Variants in CDADC1 observed in about 807,000 individuals in gnomAD.
CDADC1 encodes the protein cytidine and dCMP deaminase domain containing 1.
Under a neutral mutation model 54.9 loss-of-function variants are expected in CDADC1, and 39 were observed. The ratio of observed to expected loss-of-function variants is 0.71; its 90% CI spans 0.55 to 0.93. The LOEUF (loss-of-function observed/expected upper bound fraction) is 0.93. Ranked by LOEUF, CDADC1 falls within the 40% of genes least tolerant of loss-of-function variation. CDADC1 has a pLI of 0.00. For missense variants in CDADC1, 518 were observed against 618.8 expected, an observed-to-expected ratio of 0.84 and a Z score of 1.73; for synonymous variants, 186 against 204.0, an observed-to-expected ratio of 0.91 and a Z score of 0.75.
intron 5 of CDADC1, among the ~76,000 whole-genome samples, chr13:49,269,480 G>T (rs1952909966): frequency 6.6e-6 from 1 of 152,136 alleles, no homozygotes; most frequent in African/African-American, 2.4e-5. Flanking sequence ...TCTTCTTAAA[G>T]ATTTTGATTC....
At chr13:49,282,784 A>C (rs935143471) in intron 8 of CDADC1, among the ~76,000 whole-genome samples, 5 of 152,202 alleles carry the variant, frequency 3.3e-5, no homozygotes, top group African/African-American at 1.2e-4. Context: ...TTAGATTCTC[A>C]TGTGAGTGTG....
chr13:49,279,646 G>A (rs1953258568), intron 7 of CDADC1, among the ~76,000 whole-genome samples: 1 of 152,184 alleles, frequency 6.6e-6, no homozygotes, highest in Non-Finnish European at 1.5e-5. Flanking sequence ...AGGTAGTATT[G>A]TTTGAACAGA....
At chr13:49,283,476 AAG>A (rs1302022568) in intron 8 of CDADC1, among the ~76,000 whole-genome samples, 1 of 152,116 alleles carries the variant, frequency 6.6e-6, no homozygotes, top group Non-Finnish European at 1.5e-5. Context: ...ATTCCTCCTG[AAG>A]AGTGTGAATA....
chr13:49,276,202 C>T (rs1373157556), intron 6 of CDADC1, among the ~76,000 whole-genome samples: 1 of 152,148 alleles, frequency 6.6e-6, no homozygotes, highest in Non-Finnish European at 1.5e-5. Flanking sequence ...GTGTATTTTA[C>T]ACCTGCAGCA....
In CDADC1 at chr13:49,248,118, C is replaced by G. The variant is rs1319044557; in HGVS notation, c.81C>G (p.Thr27=). Residue 27 remains threonine, a splice_region_variant and synonymous_variant, in exon 1 of 10, where the codon ACC becomes ACG. Coordinates refer to ENST00000251108, the MANE Select transcript of CDADC1 (RefSeq NM_030911.4). The part of the protein sequence containing the change: ...RSVSTQTGSM[T]GQIPRLSKVN... ...TCAGCACCCAGACTGGCAGCATGAC[C>G]GGTGAGTGTCCGGGACCCTGCTCCC... 1.9e-6 allele frequency: 3 copies of G among 1,551,026 alleles called. No homozygotes were observed. In the African/African-American group the frequency reaches 4.1e-5, roughly 21 times the overall value.
In CDADC1 at chr13:49,274,621, A is replaced by G. The variant is rs558970539; in HGVS notation, c.1050+281A>G. ...GGGAGGCCGAGCTTGCTGTGAGCAG[A>G]GATCGTGCCACTGCACTCCAGCCTG... On this transcript the variant is annotated intron_variant, in intron 6 of 9. Coordinates refer to ENST00000251108, the MANE Select transcript of CDADC1 (RefSeq NM_030911.4). Among the ~76,000 whole-genome samples, 9 of 152,202 alleles carry G rather than the reference A, an allele frequency of 5.9e-5. No homozygotes were observed. In the East Asian group the frequency reaches 1.7e-3, roughly 29 times the overall value.
intron 4 of CDADC1, among the ~76,000 whole-genome samples, chr13:49,266,362 TTGTC>T (rs1329754701): frequency 2.6e-5 from 4 of 152,230 alleles, no homozygotes; most frequent in African/African-American, 7.2e-5. Flanking sequence ...CTTTTACAAA[TTGTC>T]TGTTCGTATC....
chr13:49,249,738 A>G (rs1952382701), intron 2 of CDADC1, among the ~76,000 whole-genome samples: 1 of 152,182 alleles, frequency 6.6e-6, no homozygotes. Flanking sequence ...ATCTCAAAAA[A>G]AAAATCAGAA....
At position 49,293,189 on chromosome 13, in the gene CDADC1, T is replaced by C. The variant is rs1357302714; in HGVS notation, c.*1432T>C. On this transcript the variant is annotated 3_prime_UTR_variant, in exon 10 of 10. Coordinates refer to ENST00000251108, the MANE Select transcript of CDADC1 (RefSeq NM_030911.4). Reference sequence around the variant, plus strand: ...AATTGCTTTATTGTATTAACTCTCATGCTTCAGCTCTTGGATTTGTTGTTT... The same window carrying C: ...AATTGCTTTATTGTATTAACTCTCACGCTTCAGCTCTTGGATTTGTTGTTT... 1 of 152,484 alleles carries C rather than the reference T, an allele frequency of 6.6e-6. No homozygotes were observed. Among genetic ancestry groups the C allele is most frequent in the Non-Finnish European group, 1.5e-5 (1 of 68,222 alleles). The allele number at this position is 152,484 out of a possible 1,614,324, so 9.4% of individuals were successfully genotyped here.
intron 8 of CDADC1, among the ~76,000 whole-genome samples, chr13:49,282,673 A>G (rs1167661260): frequency 1.3e-5 from 2 of 152,170 alleles, no homozygotes; most frequent in African/African-American, 4.8e-5. Context: ...GGTTTCCCCA[A>G]CCCCTGGGTA....
intron 5 of CDADC1, among the ~76,000 whole-genome samples, chr13:49,272,727 A>G (rs1953003596): frequency 6.8e-6 from 1 of 147,330 alleles, no homozygotes; most frequent in Non-Finnish European, 1.5e-5. Context: ...GTACGATCTC[A>G]ACTCACTGCA....
At chr13:49,282,927 G>C (rs1235174342) in intron 8 of CDADC1, among the ~76,000 whole-genome samples, 1 of 152,318 alleles carries the variant, frequency 6.6e-6, no homozygotes, top group South Asian at 2.1e-4. Context: ...CCTGGTCCCT[G>C]GTGCCACAAA....
At chr13:49,283,077 G>T (rs1953397379) in intron 8 of CDADC1, among the ~76,000 whole-genome samples, 1 of 152,138 alleles carries the variant, frequency 6.6e-6, no homozygotes. Flanking sequence ...GAAGAAAAAT[G>T]ATATAAAAGA....
intron 5 of CDADC1, 92 bp downstream of exon 5, chr13:49,268,151 C>G: frequency 9.8e-7 from 1 of 1,018,570 alleles, no homozygotes; most frequent in Non-Finnish European, 1.4e-6. Context: ...TTCATTTACT[C>G]ATAGTTACTT....
chr13:49,274,760 C>A (rs372786247), intron 6 of CDADC1, among the ~76,000 whole-genome samples: 2 of 152,114 alleles, frequency 1.3e-5, no homozygotes, highest in Non-Finnish European at 2.9e-5. Context: ...TCTAGATAGA[C>A]GCATTCATTC....
At chr13:49,291,591 G>GAC in intron 9 of CDADC1, 93 bp from the exon 10 acceptor site, 1 of 1,096,856 alleles carries the variant, frequency 9.1e-7, no homozygotes, top group Non-Finnish European at 1.3e-6. Flanking sequence ...TTTAACTTAA[G>GAC]CATTGTTTTG....
intron 4 of CDADC1, chr13:49,266,013 C>T (rs1952806817): frequency 1.6e-6 from 2 of 1,222,822 alleles, no homozygotes; most frequent in African/African-American, 3.1e-5. Context: ...GGTTTGAGGC[C>T]TTCAAAATTG....
intron 3 of CDADC1, 58 bp from the exon 4 acceptor site, chr13:49,259,288 C>A: frequency 4.4e-6 from 5 of 1,126,424 alleles, no homozygotes; most frequent in South Asian, 1.7e-5. Context: ...AAGTATAATC[C>A]ATAATATGAT....
chr13:49,281,304 C>T (rs1178336820), intron 8 of CDADC1, among the ~76,000 whole-genome samples: 4 of 152,122 alleles, frequency 2.6e-5, no homozygotes, highest in African/African-American at 4.8e-5. Context: ...AAATCTCTGA[C>T]CCATCTCTTC....
Sources: allele counts gnomAD v4.1 joint callset (sites outside exome capture counted in the v4.1 genomes callset), GRCh38; gene constraint gnomAD v4.1.1; transcripts MANE v1.5; gene names NCBI Gene and HGNC (gene_info 2026-07-23, HGNC 2026-07-21).